The following CD63 variants were observed in gnomAD, a reference collection of about 807,000 sequenced individuals.
CD63 encodes the protein CD63 molecule, also known as CD63 antigen.
Under a neutral mutation model 29.2 loss-of-function variants are expected in CD63, and 16 were observed. That is an observed-to-expected ratio of 0.55 (90% CI 0.37 to 0.83). CD63 has a LOEUF of 0.83. CD63 is among the 40% of genes least tolerant of loss of function. The pLI is 0.00. For synonymous variants in CD63, 118 were observed against 111.7 expected, an observed-to-expected ratio of 1.06 and a Z score of -0.36; for missense variants, 251 against 297.3, an observed-to-expected ratio of 0.84 and a Z score of 1.15.
rs999550208 is a variant in CD63 at position 55,728,590 on chromosome 12, C to A, written c.-11-238G>T. On this transcript the variant is annotated intron_variant, in intron 1 of 7. Coordinates refer to ENST00000257857, the MANE Select transcript of CD63 (RefSeq NM_001780.6). This position sits in a 1 kb window ranked among gnomAD's most constrained non-coding sequence, Gnocchi z 4.8. ...GCCGCCTCTGGGGCCCAGGACAGAT[C>A]CAAGGGCGCCGGCAGGGGCTTGAGC... 49 of 1,374,096 alleles carry A rather than the reference C, an allele frequency of 3.6e-5. No individual in the cohort carries two copies. Among genetic ancestry groups the A allele is most frequent in the Non-Finnish European group, 4.5e-5 (48 of 1,064,094 alleles). The allele number at this position is 1,374,096 out of a possible 1,614,324, so 85.1% of individuals were successfully genotyped here. A position where few individuals can be genotyped will look rare whatever the true frequency, so the allele number is the denominator to read the frequency against.
chr12:55,724,189 C>A, downstream of CD63: 2 of 1,432,418 alleles, frequency 1.4e-6, no homozygotes, highest in Non-Finnish European at 1.9e-6. Context: ...AGTGCCCAGG[C>A]CATGTGGAAC....
downstream of CD63, chr12:55,723,835 C>T (rs542661978): frequency 6.2e-6 from 10 of 1,604,150 alleles, no homozygotes; most frequent in Middle Eastern, 3.3e-4. Flanking sequence ...CCCTCAAAGT[C>T]CCCTCCCTAT....
Position 55,728,137 on chromosome 12 carries a change from G to T in CD63, c.66+139C>A. On this transcript the variant is annotated intron_variant, in intron 2 of 7. Coordinates refer to ENST00000257857, the MANE Select transcript of CD63 (RefSeq NM_001780.6). The surrounding 1 kb of genome is among the most constrained non-coding windows in gnomAD (Gnocchi z 4.8). ...TCCAGGAAAACTGGAGGAGGGAGTG[G>T]CTGCGCTGTCTTTCCCTGGCTTTCT... The T allele has an allele frequency of 1.2e-6, 1 of 859,860 alleles. No individual in the cohort carries two copies. The highest frequency in any genetic ancestry group is 1.8e-6 in the Non-Finnish European group (1 of 543,110). The allele number at this position is 859,860 out of a possible 1,614,324, so 53.3% of individuals were successfully genotyped here.
rs778716543 is a variant in CD63 at position 55,725,601 on chromosome 12, C to G, written c.677G>C (p.Cys226Ser). 3.7e-6 allele frequency: 6 copies of G among 1,614,010 alleles called. No individual in the cohort carries two copies. The highest frequency in any genetic ancestry group is 5.1e-6 in the Non-Finnish European group (6 of 1,180,030). The change falls in exon 8 of 8, where the codon TGC becomes TCC. Residue 226 changes from cysteine (C) to serine (S), a missense_variant. Cys to Ser is a moderately radical substitution (Grantham distance 112). Transcript: ENST00000257857. ...VEVLGIVFACCLVKSIRSGYE... is the reference protein window; with the variant it reads ...VEVLGIVFACSLVKSIRSGYE... ...GCCACTTCTGATACTCTTCACGAGG[C>G]AGCAGGCAAAGACAATTCCCAAAAC...
At position 55,728,612 on chromosome 12, in the gene CD63, G is replaced by C; in HGVS notation, c.-11-260C>G. ...GATCCAAGGGCGCCGGCAGGGGCTT[G>C]AGCCTGACGCCGACCCTCGGCCCGC... On this transcript the variant is annotated intron_variant, in intron 1 of 7. Coordinates refer to ENST00000257857, the MANE Select transcript of CD63 (RefSeq NM_001780.6). This position sits in a 1 kb window ranked among gnomAD's most constrained non-coding sequence, Gnocchi z 4.8. The C allele has an allele frequency of 7.4e-7, 1 of 1,343,252 alleles. No homozygotes were observed. Among genetic ancestry groups the C allele is most frequent in the South Asian group, 1.7e-5 (1 of 59,030 alleles). The allele number at this position is 1,343,252 out of a possible 1,614,324, so 83.2% of individuals were successfully genotyped here.
chr12:55,723,807 C>T, downstream of CD63: 7 of 1,547,796 alleles, frequency 4.5e-6, no homozygotes, highest in Non-Finnish European at 5.3e-6. Context: ...GTAACTTTCT[C>T]AGCTCCCCAA....
intron 7 of CD63, 49 bp downstream of exon 7, chr12:55,725,764 C>T: frequency 6.3e-7 from 1 of 1,589,272 alleles, no homozygotes; most frequent in Non-Finnish European, 8.6e-7. Flanking sequence ...CCCCTTCCCT[C>T]CAGGCACCCT....
chr12:55,726,799 A>C lies in CD63; in HGVS notation c.331-4T>G. On this transcript the variant is annotated splice_region_variant and splice_polypyrimidine_tract_variant and intron_variant, in intron 4 of 7. Transcript: ENST00000257857. The stretch of plus-strand genomic sequence containing the variant: ...TGTTATTAAACTCTGACATCACCTG[A>C]GAGTACGGAGGAGCACTGTTGCAGT... 6.2e-7 allele frequency: 1 copy of C among 1,612,406 alleles called. No individual in the cohort carries two copies. Among genetic ancestry groups the C allele is most frequent in the Non-Finnish European group, 8.5e-7 (1 of 1,178,392 alleles).
chr12:55,727,571 A>C, intron 2 of CD63: 5 of 1,277,468 alleles, frequency 3.9e-6, no homozygotes, highest in South Asian at 5.2e-5. Flanking sequence ...AAATTCAAAA[A>C]CCTCCCAGAA....
At chr12:55,724,707 G>T (rs1171274467), downstream of CD63, 4 of 747,690 alleles carry the variant, frequency 5.3e-6, no homozygotes, top group South Asian at 6.2e-5. Flanking sequence ...CCAGTGGAAG[G>T]CTGACCCCAT....
At position 55,726,574 on chromosome 12, in the gene CD63, A is replaced by G. The variant is rs530316778; in HGVS notation, c.426+126T>C. ...TGGCCAGGCTAGTCTTGAACTTCTG[A>G]CCTCAGGTGATCTGCCCACCTCGGC... On this transcript the variant is annotated intron_variant, in intron 5 of 7. Coordinates refer to ENST00000257857, the MANE Select transcript of CD63 (RefSeq NM_001780.6). 232 of 766,640 alleles carry G rather than the reference A, an allele frequency of 3.0e-4. No individual in the cohort carries two copies. The African/African-American group carries it at 3.5e-3, about 12-fold the overall frequency. The allele number at this position is 766,640 out of a possible 1,614,324, so 47.5% of individuals were successfully genotyped here. A position where few individuals can be genotyped will look rare whatever the true frequency, so the allele number is the denominator to read the frequency against.
chr12:55,727,127 A>AT lies in CD63; in HGVS notation c.255+23dup, dbSNP rs781455084. On this transcript the variant is annotated intron_variant, in intron 3 of 7. Transcript: ENST00000257857. ...CTGCTCTGGCAGTCCCAGACCGCCC[A>AT]TGTTGGTCCCGCCCCCAACTCACCG... 5 of 1,602,794 alleles carry AT rather than the reference A, an allele frequency of 3.1e-6. No homozygotes were observed. The South Asian group carries it at 5.5e-5, about 18-fold the overall frequency.
chr12:55,726,786 C>G lies in CD63; in HGVS notation c.340G>C (p.Glu114Gln). 6.2e-7 allele frequency: 1 copy of G among 1,613,714 alleles called. No homozygotes were observed. Among genetic ancestry groups the G allele is most frequent in the Non-Finnish European group, 8.5e-7 (1 of 1,179,588 alleles). The change falls in exon 5 of 8, where the codon GAG becomes CAG. Residue 114 changes from glutamate to glutamine, a missense_variant. Transcript: ENST00000257857. ...GYVFRDKVMS[E>Q]FNNNFRQQME... Reference sequence around the variant, plus strand: ...TGCTGCCGGAAGTTGTTATTAAACTCTGACATCACCTGAGAGTACGGAGGA... The same window carrying G: ...TGCTGCCGGAAGTTGTTATTAAACTGTGACATCACCTGAGAGTACGGAGGA...
chr12:55,727,701 C>T (rs1877567889), intron 2 of CD63: 1 of 1,056,344 alleles, frequency 9.5e-7, no homozygotes. Flanking sequence ...GCACATCCCA[C>T]GCGCGCATCA....
At position 55,726,205 on chromosome 12, in the gene CD63, CG is replaced by C; in HGVS notation, c.482del (p.Ser161Ter). 6.2e-7 allele frequency: 1 copy of C among 1,613,894 alleles called. No homozygotes were observed. Among genetic ancestry groups the C allele is most frequent in the Non-Finnish European group, 8.5e-7 (1 of 1,179,952 alleles). On this transcript the variant is annotated frameshift_variant, in exon 6 of 8. Transcript: ENST00000257857. LOFTEE classifies it high-confidence loss of function. ...YTDWEKIPSMSKNRVPDSCCI... is the reference protein window; with the variant it reads ...YTDWEKIPSMXKNRVPDSCCI... ...AGCAGGAGTCGGGGACTCGGTTCTTCGACATGGAAGGGATTTTCTCCCAATC... is the reference window on the plus strand; with the variant it reads ...AGCAGGAGTCGGGGACTCGGTTCTTCACATGGAAGGGATTTTCTCCCAATC...
intron 7 of CD63, 33 bp from the exon 8 acceptor site, chr12:55,725,659 G>A (rs1232579212): frequency 6.3e-7 from 1 of 1,599,600 alleles, no homozygotes; most frequent in Admixed American, 1.7e-5. Context: ...GGGTGGAGAG[G>A]AGTCAGAAGG....
upstream of CD63, chr12:55,729,127 C>T (rs939678973): frequency 1.0e-6 from 1 of 985,308 alleles, no homozygotes; most frequent in Non-Finnish European, 1.2e-6. Flanking sequence ...GTAACAGCTG[C>T]GGCCTGAGTC....
upstream of CD63, chr12:55,729,265 C>T: frequency 4.6e-6 from 2 of 435,992 alleles, no homozygotes; most frequent in Non-Finnish European, 6.1e-6. Context: ...GCCTGGGGCC[C>T]CCCTCTGGCG....
At chr12:55,724,833 A>G, downstream of CD63, 1 of 513,484 alleles carries the variant, frequency 1.9e-6, no homozygotes, top group Non-Finnish European at 3.5e-6. Flanking sequence ...CTACAGCTGC[A>G]CGTCGGGGAG....
Sources: gnomAD v4.1 joint callset for allele counts on GRCh38, gnomAD v4.1.1 for gene constraint, Gnocchi (gnomAD v3.1) non-coding constraint, MANE v1.5 for transcripts, NCBI Gene and HGNC (gene_info 2026-07-23, HGNC 2026-07-21) for gene names.